The following TBC1D32 variants were observed in gnomAD, a reference collection of about 807,000 sequenced individuals.
TBC1D32 encodes protein broad-minded.
In TBC1D32, 151 loss-of-function variants were observed where a neutral mutation model predicts 170.3. That is an observed-to-expected ratio of 0.89 (90% CI 0.78 to 1.01). TBC1D32 has a LOEUF of 1.01. Among genes scored for constraint, TBC1D32 ranks in the 50% least tolerant of loss-of-function variants. TBC1D32 has a pLI of 0.00. For missense variants in TBC1D32, 1,464 were observed against 1,457.1 expected (o/e 1.00, Z -0.08); for synonymous variants, 498 against 488.0 (o/e 1.02, Z -0.27).
chr6:121,271,213 T>C lies in TBC1D32; in HGVS notation c.1733+7908A>G, dbSNP rs150568413. On this transcript the variant is annotated intron_variant, in intron 15 of 31. Transcript: ENST00000398212. ...TTTGAAAACTGGCACAAGACAGGGA[T>C]GCCCTCTTTCACCACTCCTATTCAA... 8.9e-3 allele frequency among the ~76,000 whole-genome samples: 1,355 copies of C among 152,238 alleles called. 28 individuals are homozygous for C. The highest frequency in any genetic ancestry group is 0.031 in the African/African-American group (1,281 of 41,534).
chr6:121,085,425 G>A (rs116068952), intron 31 of TBC1D32, among the ~76,000 whole-genome samples: 2,060 of 147,888 alleles, frequency 0.014, 33 homozygotes, highest in African/African-American at 0.04. Flanking sequence ...CATAACAACC[G>A]GTAAGCAATG....
chr6:121,273,683 T>C (rs1801819453), intron 15 of TBC1D32, among the ~76,000 whole-genome samples: 1 of 151,700 alleles, frequency 6.6e-6, no homozygotes, highest in Non-Finnish European at 1.5e-5. Flanking sequence ...CCTAAAACTG[T>C]CTGCTTATGC....
chr6:121,277,634 A>G (rs772748541), intron 15 of TBC1D32, among the ~76,000 whole-genome samples: 10 of 151,764 alleles, frequency 6.6e-5, no homozygotes, highest in South Asian at 2.1e-4. Context: ...AATTTATAGC[A>G]TTAAGTACAA....
chr6:121,096,149 G>A (rs1443977409), intron 30 of TBC1D32: 1 of 151,956 alleles, frequency 6.6e-6, no homozygotes, highest in African/African-American at 2.4e-5. Context: ...TTTCTTCCTG[G>A]TTTAGTCTTG....
intron 2 of TBC1D32, among the ~76,000 whole-genome samples, chr6:121,321,010 C>G (rs1321214442): frequency 6.6e-6 from 1 of 152,136 alleles, no homozygotes; most frequent in African/African-American, 2.4e-5. Context: ...GATAGGCTAC[C>G]AGCAACTCTG....
chr6:121,256,420 C>A, intron 15 of TBC1D32, 135 bp from the exon 16 acceptor site: 1 of 676,938 alleles, frequency 1.5e-6, no homozygotes, highest in Non-Finnish European at 2.5e-6. Context: ...TATTCACGTT[C>A]CCACCCATGC....
intron 15 of TBC1D32, among the ~76,000 whole-genome samples, chr6:121,272,571 A>C (rs1028358386): frequency 1.3e-5 from 2 of 152,148 alleles, no homozygotes; most frequent in African/African-American, 4.8e-5. Flanking sequence ...ACCATCTCAC[A>C]CCAGTTAGAA....
intron 17 of TBC1D32, among the ~76,000 whole-genome samples, chr6:121,248,936 C>T (rs936585220): frequency 4.0e-5 from 6 of 151,850 alleles, no homozygotes; most frequent in Admixed American, 6.6e-5. Flanking sequence ...GAGAATCCTT[C>T]CTAAATCTAT....
intron 15 of TBC1D32, among the ~76,000 whole-genome samples, chr6:121,267,241 A>G (rs149054166): frequency 0.033 from 4,990 of 152,156 alleles, 193 homozygotes; most frequent in East Asian, 0.12. Flanking sequence ...ATTTCCAACT[A>G]AGGTACCAGA....
intron 15 of TBC1D32, among the ~76,000 whole-genome samples, chr6:121,258,796 T>C (rs1799384083): frequency 6.6e-6 from 1 of 152,280 alleles, no homozygotes; most frequent in South Asian, 2.1e-4. Context: ...CAGTGCTCCA[T>C]TGTGTAAACA....
At chr6:121,190,857 C>T (rs1789909074) in intron 22 of TBC1D32, among the ~76,000 whole-genome samples, 1 of 152,110 alleles carries the variant, frequency 6.6e-6, no homozygotes, top group South Asian at 2.1e-4. Flanking sequence ...CAAACATGTT[C>T]TTGGTTTATC....
Position 121,242,183 on chromosome 6 carries a change from G to A in TBC1D32, c.2157+18C>T. On this transcript the variant is annotated intron_variant, in intron 18 of 31. Transcript: ENST00000398212. ...ACCACAAAAATTCCCTTTGCCTTTGGCAGATGGTAATTCATACCTGTAATT... is the reference window on the plus strand; with the variant it reads ...ACCACAAAAATTCCCTTTGCCTTTGACAGATGGTAATTCATACCTGTAATT... 1 of 1,605,690 alleles carries A rather than the reference G, an allele frequency of 6.2e-7. No homozygotes were observed. Among genetic ancestry groups the A allele is most frequent in the Non-Finnish European group, 8.5e-7 (1 of 1,177,622 alleles).
At chr6:121,094,634 G>C (rs1777185918) in intron 30 of TBC1D32, among the ~76,000 whole-genome samples, 1 of 152,082 alleles carries the variant, frequency 6.6e-6, no homozygotes, top group Admixed American at 6.6e-5. Context: ...ACATGAACTA[G>C]ACAATTTCAA....
intron 21 of TBC1D32, among the ~76,000 whole-genome samples, chr6:121,207,087 A>T (rs769269006): frequency 6.6e-6 from 1 of 152,182 alleles, no homozygotes; most frequent in Non-Finnish European, 1.5e-5. Context: ...TTACTTAATA[A>T]TTATTGTAAT....
chr6:121,256,365 G>T, intron 15 of TBC1D32, 80 bp from the exon 16 acceptor site: 1 of 1,275,576 alleles, frequency 7.8e-7, no homozygotes, highest in Non-Finnish European at 1.1e-6. Flanking sequence ...GGCTAGTCTT[G>T]TCACAAAAAC....
intron 31 of TBC1D32, among the ~76,000 whole-genome samples, chr6:121,087,290 G>T (rs1005098459): frequency 1.3e-5 from 2 of 152,112 alleles, no homozygotes. Context: ...GCCTATTAGT[G>T]TTCACACCAC....
rs1328888593 is a variant in TBC1D32 at position 121,090,903 on chromosome 6, G to A, written c.3604C>T (p.Gln1202Ter). Residue 1202 changes from glutamine (Q) to a stop codon, truncating the protein, a stop_gained, in exon 31 of 32, where the codon CAA (glutamine) becomes TAA (stop). Transcript: ENST00000398212. LOFTEE classifies it high-confidence loss of function. Reference protein sequence around the residue: ...ICIAVFKHLQQDILQHTQTQD... With the variant: ...ICIAVFKHLQ ...GTCTGAGTGTGCTGTAGAATGTCTT[G>A]CTGTAAATGTTTGAATACAGCTATA... 1 of 1,612,634 alleles carries A rather than the reference G, an allele frequency of 6.2e-7. No individual in the cohort carries two copies. Among genetic ancestry groups the A allele is most frequent in the Admixed American group, 1.7e-5 (1 of 59,690 alleles).
chr6:121,294,568 AC>A lies in TBC1D32; in HGVS notation c.1231+1del, dbSNP rs758266342. ...GTATGTAATAGAGGAAATAATACTT[AC>A]TGCAATGCTTTGAATGTCCCAAAGT... On this transcript the variant is annotated splice_donor_variant, in intron 11 of 31. Coordinates refer to ENST00000398212, the MANE Select transcript of TBC1D32 (RefSeq NM_152730.6). LOFTEE classifies it high-confidence loss of function. 5 of 1,603,908 alleles carry A rather than the reference AC, an allele frequency of 3.1e-6. No individual in the cohort carries two copies.
rs569468923 is a variant in TBC1D32 at position 121,223,122 on chromosome 6, T to C, written c.2481+114A>G. ...CATGCATGATTAATCAAATCAGCCC[T>C]TAAATGCCATTACATAATGTTTCTT... On this transcript the variant is annotated intron_variant, in intron 21 of 31. Transcript: ENST00000398212. 966 of 656,450 alleles carry C rather than the reference T, an allele frequency of 1.5e-3. 9 individuals are homozygous for C. The Middle Eastern group carries it at 0.016, about 11-fold the overall frequency. The allele number at this position is 656,450 out of a possible 1,614,324, so 40.7% of individuals were successfully genotyped here.
Sources: gnomAD v4.1 joint callset for allele counts (sites outside exome capture counted in the v4.1 genomes callset) on GRCh38, gnomAD v4.1.1 for gene constraint, MANE v1.5 for transcripts, NCBI Gene and HGNC (gene_info 2026-07-23, HGNC 2026-07-21) for gene names.